Variants in GATA4 observed in about 807,000 individuals in gnomAD.
GATA4 encodes the protein transcription factor GATA-4.
In GATA4, 7 loss-of-function variants were observed where a neutral mutation model predicts 37.9. That is an observed-to-expected ratio of 0.18 (90% CI 0.11 to 0.35). The LOEUF (loss-of-function observed/expected upper bound fraction) is 0.35, where lower values mean the gene tolerates loss of function less well. GATA4 is among the 10% of genes least tolerant of loss of function. The pLI, the probability that GATA4 is intolerant of heterozygous loss-of-function variation, is 1.00. For synonymous variants in GATA4, 372 were observed against 292.6 expected, an observed-to-expected ratio of 1.27 and a Z score of -2.77; for missense variants, 647 against 653.0, an observed-to-expected ratio of 0.99 and a Z score of 0.10.
rs1206525263 is a variant in GATA4 at position 11,758,620 on chromosome 8, A to G, written c.*145A>G. 9 of 796,168 alleles carry G rather than the reference A, an allele frequency of 1.1e-5. No individual in the cohort carries two copies. Among genetic ancestry groups the G allele is most frequent in the South Asian group, 1.4e-5 (1 of 69,300 alleles). The allele number at this position is 796,168 out of a possible 1,614,324, so 49.3% of individuals were successfully genotyped here. On this transcript the variant is annotated 3_prime_UTR_variant, in exon 7 of 7. Transcript: ENST00000532059. The stretch of plus-strand genomic sequence containing the variant: ...ACTGGGAAGAAACTTGAAGTCGACA[A>G]TCTGGTTAGGGGAAGCGGGTGTTGG...
chr8:11,682,999 G>T (rs1304229561), intron 1 of GATA4: 16 of 913,632 alleles, frequency 1.8e-5, no homozygotes, highest in Non-Finnish European at 2.1e-5. Flanking sequence ...AAAGTTCTGG[G>T]AAGAGTCTTG....
chr8:11,682,330 C>A (rs931153200), intron 1 of GATA4, among the ~76,000 whole-genome samples: 6 of 152,202 alleles, frequency 3.9e-5, no homozygotes, highest in Admixed American at 3.9e-4. Flanking sequence ...TTGCCTTGTT[C>A]ACTAGCTAAG....
intron 1 of GATA4, among the ~76,000 whole-genome samples, chr8:11,679,566 T>C (rs1487277880): frequency 6.6e-6 from 1 of 152,212 alleles, no homozygotes; most frequent in Admixed American, 6.5e-5. Context: ...CCTGGGCCGC[T>C]TGCGGGGCGC....
chr8:11,679,378 A>G (rs1257798295), intron 1 of GATA4, among the ~76,000 whole-genome samples: 1 of 152,230 alleles, frequency 6.6e-6, no homozygotes, highest in African/African-American at 2.4e-5. Context: ...GCACGACTGT[A>G]GGTGGAGGGC....
chr8:11,725,866 G>A (rs1309377905), intron 2 of GATA4, among the ~76,000 whole-genome samples: 1 of 152,194 alleles, frequency 6.6e-6, no homozygotes, highest in Non-Finnish European at 1.5e-5. Context: ...GGCCCGGGGG[G>A]TGGGGTGGCT....
intron 1 of GATA4, among the ~76,000 whole-genome samples, chr8:11,706,194 T>C (rs1437004520): frequency 2.0e-5 from 3 of 152,234 alleles, no homozygotes; most frequent in Admixed American, 6.5e-5. Context: ...TTTTAGGAGT[T>C]ACCATGTGAC....
At chr8:11,702,001 T>TTATA (rs1458664762), upstream of GATA4, among the ~76,000 whole-genome samples, 1 of 152,114 alleles carries the variant, frequency 6.6e-6, no homozygotes, top group African/African-American at 2.4e-5. This position sits in a 1 kb window ranked among gnomAD's most constrained non-coding sequence, Gnocchi z 4.4. Context: ...GTACAGCCTG[T>TTATA]TATAGCCCCA....
intron 2 of GATA4, among the ~76,000 whole-genome samples, chr8:11,744,737 C>A (rs1801946285): frequency 6.6e-6 from 1 of 152,216 alleles, no homozygotes; most frequent in Admixed American, 6.5e-5. Context: ...ATGGAAACTT[C>A]TGCCGATTTG....
intron 2 of GATA4, among the ~76,000 whole-genome samples, chr8:11,745,134 T>G (rs1177631667): frequency 2.0e-5 from 3 of 152,174 alleles, no homozygotes; most frequent in Admixed American, 6.5e-5. Flanking sequence ...AAATAATTGC[T>G]TGAATGCATA....
intron 2 of GATA4, among the ~76,000 whole-genome samples, chr8:11,714,156 T>C (rs1254532342): frequency 1.3e-5 from 2 of 152,240 alleles, no homozygotes; most frequent in Non-Finnish European, 2.9e-5. Flanking sequence ...AAGTATGGAA[T>C]AACAATTATT....
At chr8:11,710,781 A>C (rs1800145496) in intron 2 of GATA4, among the ~76,000 whole-genome samples, 1 of 150,274 alleles carries the variant, frequency 6.7e-6, no homozygotes, top group African/African-American at 2.4e-5. Flanking sequence ...TGTTTGGTTA[A>C]GGAAAAGAGA....
intron 2 of GATA4, among the ~76,000 whole-genome samples, chr8:11,747,322 A>G (rs1368539888): frequency 2.6e-5 from 4 of 152,186 alleles, no homozygotes; most frequent in African/African-American, 9.7e-5. Context: ...AGGAGAATGG[A>G]CACAGGTGGA....
chr8:11,677,396 C>G (rs1798818968), intron 1 of GATA4, among the ~76,000 whole-genome samples: 1 of 152,180 alleles, frequency 6.6e-6, no homozygotes, highest in Admixed American at 6.5e-5. Flanking sequence ...GCTTCCCACT[C>G]CAACAACTGG....
intron 1 of GATA4, chr8:11,681,553 A>G (rs562892231): frequency 1.4e-6 from 1 of 731,784 alleles, no homozygotes; most frequent in Non-Finnish European, 1.7e-6. Flanking sequence ...GTTTCTTTAG[A>G]TACTGAATAT....
intron 1 of GATA4, among the ~76,000 whole-genome samples, chr8:11,682,154 A>G (rs1798993513): frequency 1.3e-5 from 2 of 152,220 alleles, no homozygotes; most frequent in African/African-American, 4.8e-5. Flanking sequence ...TCCAAGCACT[A>G]GGTGGTGTCT....
intron 1 of GATA4, among the ~76,000 whole-genome samples, chr8:11,695,183 A>G (rs1585568553): frequency 1.3e-5 from 2 of 152,182 alleles, no homozygotes; most frequent in Admixed American, 6.5e-5. Flanking sequence ...AGAGGGGTGG[A>G]TCACCTGAGG....
At chr8:11,737,419 C>T (rs1286483978) in intron 2 of GATA4, among the ~76,000 whole-genome samples, 1 of 152,264 alleles carries the variant, frequency 6.6e-6, no homozygotes, top group African/African-American at 2.4e-5. Context: ...GAGGGAGCTG[C>T]CCTGGCAATT....
intron 2 of GATA4, among the ~76,000 whole-genome samples, chr8:11,747,940 A>T (rs1355670227): frequency 6.6e-6 from 1 of 152,262 alleles, no homozygotes; most frequent in Non-Finnish European, 1.5e-5. Context: ...GGATCAACAT[A>T]TGAAAGTCTC....
Position 11,747,473 on chromosome 8 carries a change from C to T in GATA4, c.617-1443C>T, listed in dbSNP as rs968640581. 3.9e-5 allele frequency among the ~76,000 whole-genome samples: 6 copies of T among 152,156 alleles called. 1 individual carries two copies. Among genetic ancestry groups the T allele is most frequent in the Non-Finnish European group, 5.9e-5 (4 of 68,034 alleles). On this transcript the variant is annotated intron_variant, in intron 2 of 6. Transcript: ENST00000532059. ...CGCTTATGTGAGCAGCTCTAAAGTG[C>T]CATTGCTTATAATATGCACCTTTAT...
Sources: gnomAD v4.1 joint callset for allele counts (sites outside exome capture counted in the v4.1 genomes callset) on GRCh38, gnomAD v4.1.1 for gene constraint, Gnocchi (gnomAD v3.1) non-coding constraint, MANE v1.5 for transcripts, NCBI Gene and HGNC (gene_info 2026-07-23, HGNC 2026-07-21) for gene names.